CELF5: variants seen among roughly 807,000 people sequenced by gnomAD.
CELF5 encodes CUGBP Elav-like family member 5, also known as CUG-BP and ETR-3 like factor 5.
CELF5 carries 6 observed loss-of-function variants against 54.9 expected under a neutral mutation model. That is an observed-to-expected ratio of 0.11 (90% confidence interval 0.06 to 0.22). The LOEUF is 0.22. Ranked by LOEUF, CELF5 falls within the 10% of genes least tolerant of loss-of-function variation. CELF5 has a pLI of 1.00. For synonymous variants in CELF5, 271 were observed against 290.9 expected, an observed-to-expected ratio of 0.93 and a Z score of 0.70; for missense variants, 401 against 678.6, an observed-to-expected ratio of 0.59 and a Z score of 4.54.
At chr19:3,253,839 C>T (rs1337775823) in intron 2 of CELF5, among the ~76,000 whole-genome samples, 1 of 152,088 alleles carries the variant, frequency 6.6e-6, no homozygotes, top group Non-Finnish European at 1.5e-5. Flanking sequence ...TCCTTCTGTC[C>T]AGAGAAATCT....
At chr19:3,245,246 G>C (rs920548260) in intron 1 of CELF5, among the ~76,000 whole-genome samples, 3 of 148,422 alleles carry the variant, frequency 2.0e-5, no homozygotes, top group African/African-American at 7.5e-5. Context: ...GCATCTGTGC[G>C]TGTGTATGTG....
At position 3,282,091 on chromosome 19, in the gene CELF5, A is replaced by C; in HGVS notation, c.751-35A>C. The C allele has an allele frequency of 6.2e-7, 1 of 1,613,246 alleles. No homozygotes were observed. Among genetic ancestry groups the C allele is most frequent in the Non-Finnish European group, 8.5e-7 (1 of 1,179,484 alleles). On this transcript the variant is annotated intron_variant, in intron 6 of 12. Coordinates refer to ENST00000292672, the MANE Select transcript of CELF5 (RefSeq NM_021938.4). The surrounding 1 kb of genome is among the most constrained non-coding windows in gnomAD (Gnocchi z 5.2). The stretch of plus-strand genomic sequence containing the variant: ...CTCATAAGCCATGATCTCAGGGCAG[A>C]TATCACCCCAACTGTGACATGTCTT...
chr19:3,254,745 T>A (rs547336322), intron 2 of CELF5, among the ~76,000 whole-genome samples: 6 of 150,700 alleles, frequency 4.0e-5, no homozygotes, highest in African/African-American at 1.5e-4. Context: ...CACTCACTCA[T>A]CTATCCACCC....
intron 1 of CELF5, among the ~76,000 whole-genome samples, chr19:3,236,067 T>G (rs1273662355): frequency 5.3e-5 from 8 of 152,056 alleles, no homozygotes; most frequent in African/African-American, 1.9e-4. Flanking sequence ...GCATGGAGGC[T>G]GAGGAGCCAC....
chr19:3,287,482 C>T (rs1332532401), intron 10 of CELF5, among the ~76,000 whole-genome samples: 1 of 147,628 alleles, frequency 6.8e-6, no homozygotes, highest in Admixed American at 6.8e-5. Context: ...ATCTCTTGAA[C>T]CAGGAGGCGG....
At chr19:3,257,781 TTTTTTTTATTTA>T (rs762731741) in intron 2 of CELF5, among the ~76,000 whole-genome samples, 19,126 of 91,598 alleles carry the variant, frequency 0.21, 1,684 homozygotes, top group East Asian at 0.27. Flanking sequence ...CAGCCTCCAT[TTTTTTTTATTTA>T]TTTATTTATT....
In CELF5 at chr19:3,275,146, C is replaced by A. The variant is rs533245633; in HGVS notation, c.395-710C>A. ...AGCTCACCGTCCCTAGGAGATGAAG[C>A]CACCACGTTCCCCATTACCAGGGAG... is the stretch of plus-strand genomic sequence containing the variant. On this transcript the variant is annotated intron_variant, in intron 3 of 12. Transcript: ENST00000292672. This position sits in a 1 kb window ranked among gnomAD's most constrained non-coding sequence, Gnocchi z 6.7. Among the ~76,000 whole-genome samples the A allele has an allele frequency of 6.6e-6, 1 of 152,258 alleles. No homozygotes were observed. The highest frequency in any genetic ancestry group is 1.9e-4 in the East Asian group (1 of 5,182).
chr19:3,249,349 T>C (rs2079615778), intron 1 of CELF5, among the ~76,000 whole-genome samples: 1 of 152,208 alleles, frequency 6.6e-6, no homozygotes, highest in African/African-American at 2.4e-5. Flanking sequence ...CAAAATACTT[T>C]TGATCTAATT....
At position 3,228,301 on chromosome 19, in the gene CELF5, C is replaced by G. The variant is rs1917041827; in HGVS notation, c.259+3303C>G. Among the ~76,000 whole-genome samples the G allele has an allele frequency of 6.6e-6, 1 of 152,064 alleles. No homozygotes were observed. Among genetic ancestry groups the G allele is most frequent in the South Asian group, 2.1e-4 (1 of 4,822 alleles). On this transcript the variant is annotated intron_variant, in intron 1 of 12. Coordinates refer to ENST00000292672, the MANE Select transcript of CELF5 (RefSeq NM_021938.4). This position sits in a 1 kb window ranked among gnomAD's most constrained non-coding sequence, Gnocchi z 6.0. ...CTCCGCATCCAGAGAGCGGGGACCT[C>G]CCCCAGGAAGGACCCCCACCCCAGG...
chr19:3,274,161 T>TG (rs75777918), intron 3 of CELF5, among the ~76,000 whole-genome samples: 64,980 of 151,656 alleles, frequency 0.43, 14,929 homozygotes, highest in East Asian at 0.7. Context: ...CAAGGGAGGA[T>TG]GGGGGGTCTA....
chr19:3,230,368 C>T (rs747674824), intron 1 of CELF5, among the ~76,000 whole-genome samples: 61 of 152,150 alleles, frequency 4.0e-4, no homozygotes, highest in Non-Finnish European at 7.3e-4. Flanking sequence ...CACAGAAACA[C>T]TTACTGTGTT....
intron 1 of CELF5, among the ~76,000 whole-genome samples, chr19:3,242,950 C>T (rs954883103): frequency 6.7e-5 from 10 of 148,924 alleles, no homozygotes; most frequent in Admixed American, 4.8e-4. Flanking sequence ...AGCAACAGAG[C>T]GAGACTCCAT....
intron 11 of CELF5, among the ~76,000 whole-genome samples, chr19:3,292,853 G>A (rs1000911490): frequency 3.9e-5 from 6 of 152,036 alleles, no homozygotes; most frequent in African/African-American, 1.4e-4. Flanking sequence ...CTGAGATTGC[G>A]CCACTGCACT....
Position 3,275,741 on chromosome 19 carries a change from C to G in CELF5, c.395-115C>G. On this transcript the variant is annotated intron_variant, in intron 3 of 12. Coordinates refer to ENST00000292672, the MANE Select transcript of CELF5 (RefSeq NM_021938.4). The surrounding 1 kb of genome is among the most constrained non-coding windows in gnomAD (Gnocchi z 6.7). ...ACGCGCAGAACCGGAGCCGGCAGGG[C>G]CCGGGCGCCGCGTCTTCCTGCCCTG... The G allele has an allele frequency of 1.7e-6, 2 of 1,170,052 alleles. No homozygotes were observed. The highest frequency in any genetic ancestry group is 3.2e-5 in the South Asian group (2 of 62,170). 72.5% of individuals were successfully genotyped at this position (1,170,052 alleles called of 1,614,324 possible).
At chr19:3,284,628 C>T in intron 8 of CELF5, 1 of 490,690 alleles carries the variant, frequency 2.0e-6, no homozygotes, top group Non-Finnish European at 3.7e-6. Context: ...GCAACCGGGT[C>T]GGGATAGGGA....
At chr19:3,230,077 C>CTCAT (rs113956897) in intron 1 of CELF5, among the ~76,000 whole-genome samples, 83,759 of 149,132 alleles carry the variant, frequency 0.56, 23,694 homozygotes, top group East Asian at 0.63. Flanking sequence ...TAGGACCACA[C>CTCAT]TCATTCATTC....
Position 3,293,383 on chromosome 19 carries a change from G to A in CELF5, c.1395G>A (p.Gln465=), listed in dbSNP as rs756880521. The A allele has an allele frequency of 3.7e-6, 6 of 1,614,146 alleles. No homozygotes were observed. Among genetic ancestry groups the A allele is most frequent in the Non-Finnish European group, 5.1e-6 (6 of 1,179,986 alleles). ...QAAIQAMNGF[Q]IGMKRLKVQL... ...CCATCCAGGCCATGAACGGCTTCCA[G>A]ATCGGCATGAAGAGGCTCAAAGTCC... is the stretch of plus-strand genomic sequence containing the variant. The change falls in exon 12 of 13, where the codon CAG becomes CAA. Residue 465 remains glutamine, a synonymous_variant. Transcript: ENST00000292672.
At chr19:3,226,816 C>T (rs1177127356) in intron 1 of CELF5, among the ~76,000 whole-genome samples, 2 of 150,530 alleles carry the variant, frequency 1.3e-5, no homozygotes, top group South Asian at 2.1e-4. Context: ...AACCTGGGCA[C>T]GGGAGAAGTG....
intron 5 of CELF5, among the ~76,000 whole-genome samples, chr19:3,280,407 C>T (rs1346168933): frequency 1.3e-5 from 2 of 149,932 alleles, no homozygotes; most frequent in Non-Finnish European, 2.9e-5. Flanking sequence ...CCCGTCTCTA[C>T]TAAAAATAAA....
Sources: allele counts gnomAD v4.1 joint callset (sites outside exome capture counted in the v4.1 genomes callset), GRCh38; gene constraint gnomAD v4.1.1; non-coding constraint Gnocchi (gnomAD v3.1); transcripts MANE v1.5; gene names NCBI Gene and HGNC (gene_info 2026-07-23, HGNC 2026-07-21).